GMPR: variants seen among roughly 807,000 people sequenced by gnomAD.
The protein encoded by GMPR is guanosine monophosphate reductase, also known as GMP reductase 1.
Under a neutral mutation model 38.4 loss-of-function variants are expected in GMPR, and 31 were observed. The ratio of observed to expected loss-of-function variants is 0.81; its 90% confidence interval spans 0.61 to 1.09. GMPR has a LOEUF of 1.09. Among genes scored for constraint, GMPR ranks in the 50% least tolerant of loss-of-function variants. GMPR has a pLI of 0.00. For missense variants in GMPR, 468 were observed against 453.7 expected, an observed-to-expected ratio of 1.03 and a Z score of -0.29; for synonymous variants, 162 against 173.3, an observed-to-expected ratio of 0.93 and a Z score of 0.51.
Position 16,295,171 on chromosome 6 carries a change from C to A in GMPR, c.1023C>A (p.Asn341Lys). ...ATFIRVTQQH[N>K]TVFS ...TCATCCGGGTGACCCAGCAGCACAACACCGTGTTCAGCTAACCCTGGGGAC... is the reference window on the plus strand; with the variant it reads ...TCATCCGGGTGACCCAGCAGCACAAAACCGTGTTCAGCTAACCCTGGGGAC... The change falls in exon 9 of 9, where the codon AAC becomes AAA. Residue 341 changes from asparagine to lysine, a missense_variant. By Grantham distance (94) the Asn-to-Lys change is moderately conservative (BLOSUM62 0). Coordinates refer to ENST00000259727, the MANE Select transcript of GMPR (RefSeq NM_006877.4). The A allele has an allele frequency of 6.5e-7, 1 of 1,529,664 alleles. No individual in the cohort carries two copies. The highest frequency in any genetic ancestry group is 8.7e-7 in the Non-Finnish European group (1 of 1,145,452). 94.8% of individuals were successfully genotyped at this position (1,529,664 alleles called of 1,614,324 possible).
chr6:16,238,649 C>T lies in GMPR; in HGVS notation c.-45C>T, dbSNP rs1228593824. ...TCCCCGCGCCGCCCCGCGCAGGCGC[C>T]CCCGCCCCGCCGTCGCCGCCGCCGC... On this transcript the variant is annotated 5_prime_UTR_variant, in exon 1 of 9. Coordinates refer to ENST00000259727, the MANE Select transcript of GMPR (RefSeq NM_006877.4). The T allele has an allele frequency of 1.1e-5, 11 of 980,480 alleles. No homozygotes were observed. The highest frequency in any genetic ancestry group is 3.8e-5 in the Admixed American group (1 of 26,192). 60.7% of individuals were successfully genotyped at this position (980,480 alleles called of 1,614,324 possible).
At chr6:16,254,886 G>T in intron 4 of GMPR, 151 bp downstream of exon 4, 3 of 572,310 alleles carry the variant, frequency 5.2e-6, no homozygotes, top group Admixed American at 5.5e-5. Flanking sequence ...GAAAGGATAG[G>T]TAGCCGCTGC....
intron 4 of GMPR, among the ~76,000 whole-genome samples, chr6:16,255,140 T>C (rs1758949662): frequency 6.6e-6 from 1 of 151,844 alleles, no homozygotes; most frequent in African/African-American, 2.4e-5. Context: ...GCCTCACAAG[T>C]AGCTGGGATT....
chr6:16,289,140 A>G (rs1207539012), intron 7 of GMPR, among the ~76,000 whole-genome samples: 1 of 152,146 alleles, frequency 6.6e-6, no homozygotes, highest in African/African-American at 2.4e-5. Flanking sequence ...TGCTTTTATG[A>G]GCTGTGCTAT....
chr6:16,278,966 T>A, intron 6 of GMPR, 76 bp downstream of exon 6: 1 of 875,608 alleles, frequency 1.1e-6, no homozygotes, highest in Non-Finnish European at 1.8e-6. Flanking sequence ...TTTCACTGGC[T>A]GGGCATCCTG....
chr6:16,261,548 G>A (rs2113680523), intron 4 of GMPR, among the ~76,000 whole-genome samples: 1 of 152,124 alleles, frequency 6.6e-6, no homozygotes, highest in Middle Eastern at 3.4e-3. Context: ...TTGGCACCAT[G>A]GGGTGGATAG....
intron 7 of GMPR, among the ~76,000 whole-genome samples, chr6:16,288,492 C>T (rs1759744800): frequency 6.6e-6 from 1 of 152,218 alleles, no homozygotes; most frequent in Non-Finnish European, 1.5e-5. Flanking sequence ...TGCCTCCCTG[C>T]GGGGCAGGGC....
At position 16,289,188 on chromosome 6, in the gene GMPR, G is replaced by A. The variant is rs533888804; in HGVS notation, c.698-1274G>A. On this transcript the variant is annotated intron_variant, in intron 7 of 8. Coordinates refer to ENST00000259727, the MANE Select transcript of GMPR (RefSeq NM_006877.4). ...TCTATAGCTTCATTTTTGAGCTAGC[G>A]CAGACCCCAACCCCACCAGAAGGAA... Among the ~76,000 whole-genome samples the A allele has an allele frequency of 1.2e-4, 18 of 152,230 alleles. No homozygotes were observed. The South Asian group carries it at 1.5e-3, about 12-fold the overall frequency.
At chr6:16,290,839 G>A (rs971863492) in intron 8 of GMPR, among the ~76,000 whole-genome samples, 1 of 152,238 alleles carries the variant, frequency 6.6e-6, no homozygotes, top group African/African-American at 2.4e-5. Context: ...TGGGTTGGAA[G>A]TGTGACCAGG....
intron 1 of GMPR, among the ~76,000 whole-genome samples, chr6:16,242,748 C>T (rs1295031925): frequency 6.6e-6 from 1 of 152,148 alleles, no homozygotes; most frequent in Admixed American, 6.5e-5. Flanking sequence ...AAGCAATTCT[C>T]CTGCCTCAGC....
intron 4 of GMPR, among the ~76,000 whole-genome samples, chr6:16,265,513 T>C (rs1355719089): frequency 6.6e-6 from 1 of 152,154 alleles, no homozygotes; most frequent in Non-Finnish European, 1.5e-5. Context: ...TTGGAGAACT[T>C]TTCTGTCTAG....
intron 4 of GMPR, among the ~76,000 whole-genome samples, chr6:16,270,030 C>T (rs1759350878): frequency 6.6e-6 from 1 of 152,226 alleles, no homozygotes; most frequent in African/African-American, 2.4e-5. Flanking sequence ...TTCACCTCCC[C>T]AAATCCCCAC....
At chr6:16,266,962 C>A (rs1348006037) in intron 4 of GMPR, among the ~76,000 whole-genome samples, 1 of 151,070 alleles carries the variant, frequency 6.6e-6, no homozygotes, top group Non-Finnish European at 1.5e-5. Flanking sequence ...CTGAAGTCGG[C>A]GTAGACCATG....
intron 2 of GMPR, among the ~76,000 whole-genome samples, chr6:16,247,423 G>A (rs1758780277): frequency 6.6e-6 from 1 of 151,256 alleles, no homozygotes; most frequent in Non-Finnish European, 1.5e-5. Context: ...CGCCCAGGCT[G>A]GAGTACAGTG....
At chr6:16,246,246 G>A (rs1561818718) in intron 1 of GMPR, among the ~76,000 whole-genome samples, 1 of 152,184 alleles carries the variant, frequency 6.6e-6, no homozygotes, top group Non-Finnish European at 1.5e-5. Flanking sequence ...GAAGTTGCAG[G>A]AGAATTGGAG....
At chr6:16,261,374 C>T (rs1481278373) in intron 4 of GMPR, among the ~76,000 whole-genome samples, 1 of 150,212 alleles carries the variant, frequency 6.7e-6, no homozygotes, top group Non-Finnish European at 1.5e-5. Flanking sequence ...ACAGTACAGC[C>T]CAGGTAATTT....
At chr6:16,258,641 T>C (rs556051512) in intron 4 of GMPR, among the ~76,000 whole-genome samples, 1 of 152,354 alleles carries the variant, frequency 6.6e-6, no homozygotes, top group Non-Finnish European at 1.5e-5. Flanking sequence ...ACAGGAGACT[T>C]TGGCAAGGTA....
intron 4 of GMPR, among the ~76,000 whole-genome samples, chr6:16,256,391 A>C (rs899616655): frequency 2.7e-5 from 4 of 149,568 alleles, no homozygotes; most frequent in Non-Finnish European, 3.0e-5. Flanking sequence ...TTAGCCAGGC[A>C]TGGTGGCAGA....
chr6:16,287,833 A>G (rs1247203694), intron 7 of GMPR, among the ~76,000 whole-genome samples: 1 of 152,208 alleles, frequency 6.6e-6, no homozygotes, highest in Non-Finnish European at 1.5e-5. Context: ...TGAGTGCTAG[A>G]AAAGCTCGCC....
Sources: gnomAD v4.1 joint callset for allele counts (sites outside exome capture counted in the v4.1 genomes callset) on GRCh38, gnomAD v4.1.1 for gene constraint, MANE v1.5 for transcripts, NCBI Gene and HGNC (gene_info 2026-07-23, HGNC 2026-07-21) for gene names.